The following KHDRBS2 variants were observed in gnomAD, a reference collection of about 807,000 sequenced individuals.
KHDRBS2 encodes KH domain-containing, RNA-binding, signal transduction-associated protein 2.
In KHDRBS2, 26 loss-of-function variants were observed where a neutral mutation model predicts 44.3. The ratio of observed to expected loss-of-function variants is 0.59; its 90% CI spans 0.43 to 0.81. The LOEUF is 0.81. Among genes scored for constraint, KHDRBS2 ranks in the 40% least tolerant of loss-of-function variants. The probability of loss-of-function intolerance (pLI) is 0.00; values close to 1 mark genes in which losing one functional copy is unlikely to be tolerated. For synonymous variants in KHDRBS2, 194 were observed against 151.1 expected (o/e 1.28, Z -2.08); for missense variants, 476 against 433.1 (o/e 1.10, Z -0.88).
chr6:61,906,594 C>T (rs1479934280), intron 4 of KHDRBS2, among the ~76,000 whole-genome samples: 1 of 152,078 alleles, frequency 6.6e-6, no homozygotes, highest in Non-Finnish European at 1.5e-5. Flanking sequence ...TCTACTCTAT[C>T]TCCATGAGTT....
chr6:61,853,308 T>C (rs1185994487), intron 6 of KHDRBS2, among the ~76,000 whole-genome samples: 1 of 152,224 alleles, frequency 6.6e-6, no homozygotes, highest in African/African-American at 2.4e-5. Flanking sequence ...TATCACATTA[T>C]ATAGCTATTA....
At chr6:61,593,609 G>A in the KHDRBS2 span, among the ~76,000 whole-genome samples, 1 of 151,448 alleles carries the variant, frequency 6.6e-6, no homozygotes. Context: ...CTGATTATTT[G>A]TATAAAGTGC....
chr6:62,073,759 C>T (rs1375150399), intron 2 of KHDRBS2, among the ~76,000 whole-genome samples: 1 of 151,302 alleles, frequency 6.6e-6, no homozygotes, highest in Admixed American at 6.6e-5. Context: ...GATTGCTATC[C>T]CATGTTGTTT....
chr6:61,950,837 T>C (rs1764589138), intron 4 of KHDRBS2, among the ~76,000 whole-genome samples: 1 of 152,050 alleles, frequency 6.6e-6, no homozygotes, highest in Non-Finnish European at 1.5e-5. Context: ...AACGTAAATA[T>C]GAAATGTACT....
At chr6:62,262,198 T>A (rs1372271339) in intron 1 of KHDRBS2, among the ~76,000 whole-genome samples, 1 of 151,730 alleles carries the variant, frequency 6.6e-6, no homozygotes, top group Non-Finnish European at 1.5e-5. Context: ...ATATTTACTT[T>A]CTTTATTTTA....
At chr6:62,007,780 T>C (rs575520601) in intron 3 of KHDRBS2, among the ~76,000 whole-genome samples, 6 of 152,092 alleles carry the variant, frequency 3.9e-5, no homozygotes, top group Non-Finnish European at 7.4e-5. Flanking sequence ...GTACCATAAG[T>C]CAAAAAAACC....
chr6:61,581,580 ACAATAT>A, the KHDRBS2 span, among the ~76,000 whole-genome samples: 2 of 18,930 alleles, frequency 1.1e-4, no homozygotes, highest in East Asian at 2.0e-3. Context: ...TATACAATAC[ACAATAT>A]ACAATATACA....
At chr6:61,895,153 C>T (rs1483687831) in intron 5 of KHDRBS2, among the ~76,000 whole-genome samples, 1 of 150,168 alleles carries the variant, frequency 6.7e-6, no homozygotes, top group African/African-American at 2.4e-5. Flanking sequence ...CAAAAACCCA[C>T]TCTGAATATA....
At position 62,224,270 on chromosome 6, in the gene KHDRBS2, C is replaced by T. The variant is rs116756653; in HGVS notation, c.92-46958G>A. Among the ~76,000 whole-genome samples the T allele has an allele frequency of 3.5e-3, 537 of 152,164 alleles. 2 individuals are homozygous for T. Among genetic ancestry groups the T allele is most frequent in the African/African-American group, 0.012 (515 of 41,520 alleles). ...GATAAAGCCATCAGATCTTGTGAGACGTATTCACTACTACAAGAACAGTAT... is the reference window on the plus strand; with the variant it reads ...GATAAAGCCATCAGATCTTGTGAGATGTATTCACTACTACAAGAACAGTAT... On this transcript the variant is annotated intron_variant, in intron 1 of 8. Transcript: ENST00000281156.
intron 6 of KHDRBS2, among the ~76,000 whole-genome samples, chr6:61,785,561 GAAAGACATA>G (rs1783673124): frequency 6.6e-6 from 1 of 151,940 alleles, no homozygotes; most frequent in Non-Finnish European, 1.5e-5. Context: ...ATGAAAATTG[GAAAGACATA>G]AAAATTGTTA....
intron 3 of KHDRBS2, among the ~76,000 whole-genome samples, chr6:62,019,962 T>C (rs866726211): frequency 2.6e-5 from 4 of 151,864 alleles, no homozygotes; most frequent in South Asian, 4.1e-4. Flanking sequence ...CTTTTCTTTA[T>C]TTTATACTTA....
At chr6:62,097,967 CAACTT>C (rs961402809) in intron 2 of KHDRBS2, among the ~76,000 whole-genome samples, 15 of 151,978 alleles carry the variant, frequency 9.9e-5, no homozygotes, top group African/African-American at 3.6e-4. Context: ...ACACTGATAA[CAACTT>C]AACTTTGATC....
Position 61,842,088 on chromosome 6 carries a change from T to G in KHDRBS2, c.810+52547A>C, listed in dbSNP as rs547542112. Reference sequence around the variant, plus strand: ...TCACTCTATGTGTTCTTGGCTTCTATGACATCTGAAATTGCTGCCTTATTA... The same window carrying G: ...TCACTCTATGTGTTCTTGGCTTCTAGGACATCTGAAATTGCTGCCTTATTA... On this transcript the variant is annotated intron_variant, in intron 6 of 8. Coordinates refer to ENST00000281156, the MANE Select transcript of KHDRBS2 (RefSeq NM_152688.4). Among the ~76,000 whole-genome samples the G allele has an allele frequency of 3.9e-5, 6 of 152,330 alleles. 1 individual carries two copies. The highest frequency in any genetic ancestry group is 1.2e-4 in the African/African-American group (5 of 41,576).
the KHDRBS2 span, among the ~76,000 whole-genome samples, chr6:61,575,294 G>T: frequency 6.6e-6 from 1 of 152,094 alleles, no homozygotes; most frequent in Admixed American, 6.5e-5. Context: ...CCATCAAAAA[G>T]TGGGCAAAGG....
the KHDRBS2 span, among the ~76,000 whole-genome samples, chr6:61,591,533 G>A: frequency 6.6e-6 from 1 of 152,082 alleles, no homozygotes; most frequent in African/African-American, 2.4e-5. Context: ...TTTCACTGGT[G>A]AGCTGTATCT....
intron 2 of KHDRBS2, among the ~76,000 whole-genome samples, chr6:62,144,582 T>C (rs1369440349): frequency 6.6e-6 from 1 of 151,956 alleles, no homozygotes; most frequent in Non-Finnish European, 1.5e-5. Context: ...ATATATTTAA[T>C]GATTTGGATC....
intron 7 of KHDRBS2, among the ~76,000 whole-genome samples, chr6:61,707,577 C>T (rs1769800227): frequency 6.6e-6 from 1 of 151,628 alleles, no homozygotes; most frequent in Non-Finnish European, 1.5e-5. Context: ...TTTGGGAAAA[C>T]ATTAGTTTAT....
chr6:62,021,387 C>G (rs890536811), intron 3 of KHDRBS2, among the ~76,000 whole-genome samples: 2 of 151,816 alleles, frequency 1.3e-5, no homozygotes, highest in African/African-American at 4.8e-5. Flanking sequence ...AACAAACCTG[C>G]ACATGTACCC....
At chr6:61,875,288 G>A (rs768927394) in intron 6 of KHDRBS2, among the ~76,000 whole-genome samples, 16 of 151,956 alleles carry the variant, frequency 1.1e-4, no homozygotes, top group Non-Finnish European at 2.4e-4. Context: ...AATGTTCTGT[G>A]CACAGTAAAT....
Sources: gnomAD v4.1 joint callset for allele counts (sites outside exome capture counted in the v4.1 genomes callset) on GRCh38, gnomAD v4.1.1 for gene constraint, MANE v1.5 for transcripts, NCBI Gene and HGNC (gene_info 2026-07-23, HGNC 2026-07-21) for gene names.